Variants in CAMKK2 observed in about 807,000 individuals in gnomAD.
CAMKK2 encodes calcium/calmodulin dependent protein kinase kinase 2.
Under a neutral mutation model 67.2 loss-of-function variants are expected in CAMKK2, and 30 were observed. The ratio of observed to expected loss-of-function variants is 0.45; its 90% CI spans 0.33 to 0.61. CAMKK2 has a LOEUF of 0.61. CAMKK2 is among the 20% of genes least tolerant of loss of function. CAMKK2 has a pLI of 0.02. For synonymous variants in CAMKK2, 322 were observed against 326.2 expected, an observed-to-expected ratio of 0.99 and a Z score of 0.14; for missense variants, 643 against 802.0, an observed-to-expected ratio of 0.80 and a Z score of 2.39.
chr12:121,265,985 G>A (rs1424248878), intron 5 of CAMKK2, among the ~76,000 whole-genome samples: 1 of 152,286 alleles, frequency 6.6e-6, no homozygotes, highest in East Asian at 1.9e-4. Context: ...AGACTGGAGT[G>A]CAGTGGCGCA....
In CAMKK2 at chr12:121,274,232, G is replaced by C. The variant is rs948517475; in HGVS notation, c.295C>G (p.Leu99Val). 1 of 1,609,590 alleles carries C rather than the reference G, an allele frequency of 6.2e-7. No homozygotes were observed. The highest frequency in any genetic ancestry group is 8.5e-7 in the Non-Finnish European group (1 of 1,177,212). Residue 99 changes from leucine to valine, a missense_variant, in exon 2 of 17, where the codon CTG becomes GTG. Around this residue, in one of 3 missense-constraint regions of CAMKK2, gnomAD observed 483 missense variants for 625.8 expected, o/e 0.77. Coordinates refer to ENST00000404169, the MANE Select transcript of CAMKK2 (RefSeq NM_001270485.2). ...CCCTGGGACCGCTCTTGCAGAGACA[G>C]CTTGCGACCGGAGAGGTGGGGCCGG... ...QARPHLSGRK[L>V]SLQERSQGGL...
chr12:121,250,009 A>T lies in CAMKK2; in HGVS notation c.1187T>A (p.Met396Lys), dbSNP rs1205871215. 6.2e-7 allele frequency: 1 copy of T among 1,613,750 alleles called. No homozygotes were observed. The highest frequency in any genetic ancestry group is 8.5e-7 in the Non-Finnish European group (1 of 1,179,890). Reference protein sequence around the residue: ...GQCPFMDERIMCLHSKIKSQA... With the variant: ...GQCPFMDERIKCLHSKIKSQA... ...ACTCTTGATCTTACTGTGTAAACAC[A>T]TGATCCGCTCGTCCATGAATGGGCA... Residue 396 changes from methionine (M) to lysine (K), a missense_variant, in exon 12 of 17, where the codon ATG becomes AAG. Physicochemically the swap from Met to Lys is moderately conservative, Grantham distance 95. Coordinates refer to ENST00000404169, the MANE Select transcript of CAMKK2 (RefSeq NM_001270485.2).
rs1270829149 is a variant in CAMKK2 at position 121,240,191 on chromosome 12, C to T, written c.*508G>A. The T allele has an allele frequency of 1.8e-6, 1 of 550,450 alleles. No individual in the cohort carries two copies. Among genetic ancestry groups the T allele is most frequent in the Non-Finnish European group, 3.2e-6 (1 of 313,310 alleles). The allele number at this position is 550,450 out of a possible 1,614,324, so 34.1% of individuals were successfully genotyped here. ...GCAGCTACTGAGGGCCAGCCCTGCT[C>T]TGACTCCTTGAGACCACGGCTCTGG... On this transcript the variant is annotated 3_prime_UTR_variant, in exon 17 of 17. Coordinates refer to ENST00000404169, the MANE Select transcript of CAMKK2 (RefSeq NM_001270485.2). This position sits in a 1 kb window ranked among gnomAD's most constrained non-coding sequence, Gnocchi z 4.4.
At position 121,245,256 on chromosome 12, in the gene CAMKK2, A is replaced by G; in HGVS notation, c.1453-16T>C. 12 of 1,550,068 alleles carry G rather than the reference A, an allele frequency of 7.7e-6. No individual in the cohort carries two copies. Among genetic ancestry groups the G allele is most frequent in the Non-Finnish European group, 1.1e-5 (12 of 1,131,336 alleles). On this transcript the variant is annotated splice_polypyrimidine_tract_variant and intron_variant, in intron 14 of 16. Coordinates refer to ENST00000404169, the MANE Select transcript of CAMKK2 (RefSeq NM_001270485.2). The surrounding 1 kb of genome is among the most constrained non-coding windows in gnomAD (Gnocchi z 5.8). The stretch of plus-strand genomic sequence containing the variant: ...TCACCAGGATCTGAAGAGGGAGAAA[A>G]GAGGAGGTGGCAGGCAACTGCTTGG...
At chr12:121,269,419 A>G in intron 4 of CAMKK2, 109 bp downstream of exon 4, 4 of 840,870 alleles carry the variant, frequency 4.8e-6, no homozygotes, top group Non-Finnish European at 3.9e-6. Context: ...ACATGACCTA[A>G]GAATAAAATG....
intron 1 of CAMKK2, among the ~76,000 whole-genome samples, chr12:121,282,874 C>T (rs1898060258): frequency 2.0e-5 from 3 of 152,148 alleles, no homozygotes; most frequent in Non-Finnish European, 2.9e-5. Context: ...CCTGCCTCAG[C>T]CTCCTGAGTA....
rs1132780 is a variant in CAMKK2 at position 121,253,293 on chromosome 12, G to A, written c.1087C>T (p.Arg363Cys). The A allele has an allele frequency of 0.15, 240,028 of 1,613,676 alleles. 20,757 individuals carry two copies. Among genetic ancestry groups the A allele is most frequent in the Admixed American group, 0.32 (19,094 of 59,988 alleles). ...CTTACCTTCCCAGAGAAGATCTTGC[G>A]GGTCTCAGAGAGCGACTCGGGTGCC... ...FMAPESLSETRKIFSGKALDV... is the reference protein window; with the variant it reads ...FMAPESLSETCKIFSGKALDV... The change falls in exon 10 of 17, where the codon CGC becomes TGC. Residue 363 changes from arginine (R) to cysteine (C), a missense_variant. Physicochemically the swap from Arg to Cys is radical, Grantham distance 180 (BLOSUM62 -3). Coordinates refer to ENST00000404169, the MANE Select transcript of CAMKK2 (RefSeq NM_001270485.2). The surrounding 1 kb of genome is among the most constrained non-coding windows in gnomAD (Gnocchi z 5.0).
rs564675967 is a variant in CAMKK2, at chr12:121,245,525, C to A, written c.1453-285G>T. 3.3e-5 allele frequency among the ~76,000 whole-genome samples: 5 copies of A among 151,962 alleles called. No homozygotes were observed. In the South Asian group the frequency reaches 1.0e-3, roughly 32 times the overall value. On this transcript the variant is annotated intron_variant, in intron 14 of 16. Coordinates refer to ENST00000404169, the MANE Select transcript of CAMKK2 (RefSeq NM_001270485.2). The surrounding 1 kb of genome is among the most constrained non-coding windows in gnomAD (Gnocchi z 5.8). ...TCCCTCCCTCCCATCCCTTCCAAAA[C>A]CCAGATCTGGTCCCCTCACTCCCTG...
At chr12:121,292,973 G>GA (rs374293482) in intron 1 of CAMKK2, among the ~76,000 whole-genome samples, 274 of 119,428 alleles carry the variant, frequency 2.3e-3, no homozygotes, top group Non-Finnish European at 3.1e-3. Flanking sequence ...CATCTCAAAA[G>GA]AAAAAAAAAA....
At chr12:121,271,989 C>T (rs996451944) in intron 2 of CAMKK2, among the ~76,000 whole-genome samples, 1 of 152,136 alleles carries the variant, frequency 6.6e-6, no homozygotes, top group Admixed American at 6.6e-5. Context: ...GGATTACAGG[C>T]GTGAGCTACT....
At chr12:121,266,275 C>A (rs959057604) in intron 5 of CAMKK2, among the ~76,000 whole-genome samples, 1 of 152,146 alleles carries the variant, frequency 6.6e-6, no homozygotes, top group African/African-American at 2.4e-5. Flanking sequence ...AAATAAATAT[C>A]GGTTAGGTTA....
At chr12:121,262,286 C>G (rs1893609240) in intron 6 of CAMKK2, among the ~76,000 whole-genome samples, 1 of 152,060 alleles carries the variant, frequency 6.6e-6, no homozygotes, top group South Asian at 2.1e-4. Flanking sequence ...GCCAAGGCGG[C>G]TGGATCACGA....
intron 16 of CAMKK2, among the ~76,000 whole-genome samples, chr12:121,241,565 C>T (rs558185952): frequency 6.6e-6 from 1 of 152,230 alleles, no homozygotes; most frequent in Non-Finnish European, 1.5e-5. Context: ...CGAGGGGAAT[C>T]CCCGAGCCTA....
chr12:121,252,594 G>A lies in CAMKK2; in HGVS notation c.1161+67C>T, dbSNP rs116515412. ...TTAAATAAGTAAGTACTGTCTCCCC[G>A]CAAGGGTGACTATTAACCCAGGGGC... On this transcript the variant is annotated intron_variant, in intron 11 of 16. Coordinates refer to ENST00000404169, the MANE Select transcript of CAMKK2 (RefSeq NM_001270485.2). 1.4e-3 allele frequency: 2,049 copies of A among 1,445,168 alleles called. 23 individuals carry two copies. The African/African-American group carries it at 0.025, about 17-fold the overall frequency. The allele number at this position is 1,445,168 out of a possible 1,614,324, so 89.5% of individuals were successfully genotyped here.
intron 9 of CAMKK2, among the ~76,000 whole-genome samples, chr12:121,254,020 T>C (rs1429920616): frequency 6.6e-6 from 1 of 152,168 alleles, no homozygotes; most frequent in Non-Finnish European, 1.5e-5. Context: ...CTGCCATTTC[T>C]GGGGTGATGA....
intron 1 of CAMKK2, among the ~76,000 whole-genome samples, chr12:121,280,717 G>T (rs1021483268): frequency 1.3e-5 from 2 of 152,116 alleles, no homozygotes; most frequent in Admixed American, 6.5e-5. Context: ...AGGTGAGATA[G>T]ACTCCAGTCT....
chr12:121,266,915 C>G (rs1894668950), intron 5 of CAMKK2, among the ~76,000 whole-genome samples: 1 of 151,722 alleles, frequency 6.6e-6, no homozygotes, highest in Non-Finnish European at 1.5e-5. Flanking sequence ...TGACCACACA[C>G]AGGAGCTACC....
At chr12:121,243,897 G>A in intron 16 of CAMKK2, 1 of 1,401,896 alleles carries the variant, frequency 7.1e-7, no homozygotes, top group Non-Finnish European at 9.3e-7. Context: ...TGTGCTCAGT[G>A]GGAAGGGCAG....
At chr12:121,291,611 G>A (rs1420778965) in intron 1 of CAMKK2, among the ~76,000 whole-genome samples, 1 of 152,164 alleles carries the variant, frequency 6.6e-6, no homozygotes, top group African/African-American at 2.4e-5. Context: ...GGTTGCCAGG[G>A]GCTGCAGGGA....
Sources: gnomAD v4.1 joint callset for allele counts (sites outside exome capture counted in the v4.1 genomes callset) on GRCh38, gnomAD v4.1.1 for gene constraint, gnomAD v4.1.1 regional missense constraint, Gnocchi (gnomAD v3.1) non-coding constraint, MANE v1.5 for transcripts, NCBI Gene and HGNC (gene_info 2026-07-23, HGNC 2026-07-21) for gene names.